TMEM63C: variants seen among roughly 807,000 people sequenced by gnomAD.
TMEM63C encodes the protein transmembrane protein 63C.
A neutral mutation model predicts 99.2 loss-of-function variants in TMEM63C; 32 were observed. That is an observed-to-expected ratio of 0.32 (90% confidence interval 0.24 to 0.43). The LOEUF is 0.43. TMEM63C is among the 20% of genes least tolerant of loss of function. TMEM63C has a pLI of 1.00. For synonymous variants in TMEM63C, 376 were observed against 397.9 expected, an observed-to-expected ratio of 0.94 and a Z score of 0.66; for missense variants, 826 against 1,053.0, an observed-to-expected ratio of 0.78 and a Z score of 2.98.
At chr14:77,225,568 C>T in intron 6 of TMEM63C, 107 bp downstream of exon 6, 1 of 1,100,494 alleles carries the variant, frequency 9.1e-7, no homozygotes, top group Non-Finnish European at 1.3e-6. Flanking sequence ...AGGGCCTGAG[C>T]TCCGTATCCT....
At chr14:77,194,773 G>T (rs1888188549) in intron 1 of TMEM63C, among the ~76,000 whole-genome samples, 1 of 151,156 alleles carries the variant, frequency 6.6e-6, no homozygotes, top group Non-Finnish European at 1.5e-5. Context: ...GTGGAACCGG[G>T]TTTTTGCCAT....
intron 1 of TMEM63C, among the ~76,000 whole-genome samples, chr14:77,195,609 A>G (rs1324274640): frequency 2.6e-5 from 4 of 152,108 alleles, no homozygotes; most frequent in African/African-American, 7.2e-5. Context: ...GGTGATGTGT[A>G]TGACCCCTTT....
At chr14:77,223,637 G>C (rs192947320) in intron 5 of TMEM63C, among the ~76,000 whole-genome samples, 1 of 151,758 alleles carries the variant, frequency 6.6e-6, no homozygotes, top group Non-Finnish European at 1.5e-5. Flanking sequence ...GGGAGGGAGT[G>C]TGTGTGTGTG....
chr14:77,222,631 A>T (rs1594859273), intron 5 of TMEM63C, among the ~76,000 whole-genome samples: 1 of 152,176 alleles, frequency 6.6e-6, no homozygotes, highest in East Asian at 1.9e-4. Context: ...CTGCCACATG[A>T]GTCCACCGTT....
At chr14:77,227,659 C>T (rs61991637) in intron 6 of TMEM63C, among the ~76,000 whole-genome samples, 44,174 of 152,060 alleles carry the variant, frequency 0.29, 7,248 homozygotes, top group East Asian at 0.57. Flanking sequence ...GAGGCATCCT[C>T]TGGGCTGGAC....
At position 77,231,620 on chromosome 14, in the gene TMEM63C, A is replaced by G; in HGVS notation, c.383A>G (p.Asp128Gly). Reference protein sequence around the residue: ...DEDLINKCGDDARIYIVFQYH... With the variant: ...DEDLINKCGDGARIYIVFQYH... ...GATCTGATTAACAAGTGTGGGGACGACGCGCGCATCTACATCGTGTTCCAG... is the reference window on the plus strand; with the variant it reads ...GATCTGATTAACAAGTGTGGGGACGGCGCGCGCATCTACATCGTGTTCCAG... The change falls in exon 7 of 24, where the codon GAC becomes GGC. Residue 128 changes from aspartate to glycine, a missense_variant. By Grantham distance (94) the Asp-to-Gly change is moderately conservative. Coordinates refer to ENST00000298351, the MANE Select transcript of TMEM63C (RefSeq NM_020431.4). 6.4e-7 allele frequency: 1 copy of G among 1,551,622 alleles called. No individual in the cohort carries two copies. Among genetic ancestry groups the G allele is most frequent in the African/African-American group, 1.4e-5 (1 of 73,138 alleles).
chr14:77,183,499 C>G (rs544910577), intron 1 of TMEM63C, among the ~76,000 whole-genome samples: 3 of 152,188 alleles, frequency 2.0e-5, no homozygotes, highest in African/African-American at 4.8e-5. Flanking sequence ...GTGGGCCTAT[C>G]GGAGCCAAAA....
At position 77,227,363 on chromosome 14, in the gene TMEM63C, T is replaced by G. The variant is rs76660351; in HGVS notation, c.350+1902T>G. ...CTACAGTCAGTAGGTTGTGGCCTAG[T>G]TAAGAAAGAGGGAGAAATTGAGGTC... On this transcript the variant is annotated intron_variant, in intron 6 of 23. Coordinates refer to ENST00000298351, the MANE Select transcript of TMEM63C (RefSeq NM_020431.4). 3.3e-3 allele frequency among the ~76,000 whole-genome samples: 504 copies of G among 152,030 alleles called. 5 individuals carry two copies. The highest frequency in any genetic ancestry group is 0.011 in the African/African-American group (470 of 41,448).
At position 77,253,385 on chromosome 14, in the gene TMEM63C, T is replaced by G; in HGVS notation, c.2220+9T>G. 1 of 1,606,686 alleles carries G rather than the reference T, an allele frequency of 6.2e-7. No homozygotes were observed. On this transcript the variant is annotated intron_variant, in intron 23 of 23. Coordinates refer to ENST00000298351, the MANE Select transcript of TMEM63C (RefSeq NM_020431.4). ...CCACGCCCACCTCCCTCGTGAGTCC[T>G]GAGTCCCAGGGACAGGTTGGGAGGG...
At chr14:77,189,434 CA>C (rs1888063553) in intron 1 of TMEM63C, among the ~76,000 whole-genome samples, 1 of 151,764 alleles carries the variant, frequency 6.6e-6, no homozygotes, top group African/African-American at 2.4e-5. Flanking sequence ...TTAATTTTCG[CA>C]AAAAACACAA....
Position 77,231,591 on chromosome 14 carries a change from C to G in TMEM63C, c.354C>G (p.Asp118Glu). ...CTTGTCTGTGTGTCTCTTCCAGGGACGAGGATCTGATTAACAAGTGTGGGG... is the reference window on the plus strand; with the variant it reads ...CTTGTCTGTGTGTCTCTTCCAGGGAGGAGGATCTGATTAACAAGTGTGGGG... Reference protein sequence around the residue: ...SWFFNSITMKDEDLINKCGDD... With the variant: ...SWFFNSITMKEEDLINKCGDD... Residue 118 changes from aspartate (D) to glutamate (E), a missense_variant, in exon 7 of 24, where the codon GAC (aspartate) becomes GAG (glutamate). Physicochemically the swap from Asp to Glu is conservative, Grantham distance 45. Coordinates refer to ENST00000298351, the MANE Select transcript of TMEM63C (RefSeq NM_020431.4). 6.4e-7 allele frequency: 1 copy of G among 1,551,580 alleles called. No individual in the cohort carries two copies. The highest frequency in any genetic ancestry group is 1.7e-4 in the Middle Eastern group (1 of 5,990).
At chr14:77,198,357 C>G (rs139745709) in intron 1 of TMEM63C, among the ~76,000 whole-genome samples, 2 of 152,336 alleles carry the variant, frequency 1.3e-5, no homozygotes, top group African/African-American at 4.8e-5. Flanking sequence ...AGGAACAAGC[C>G]CTGGGCTGGG....
intron 21 of TMEM63C, among the ~76,000 whole-genome samples, chr14:77,251,294 A>G (rs941703854): frequency 2.6e-5 from 4 of 152,248 alleles, no homozygotes; most frequent in African/African-American, 9.6e-5. Flanking sequence ...ACATTTACCT[A>G]GTTAGAAAAC....
intron 23 of TMEM63C, among the ~76,000 whole-genome samples, 163 bp from the exon 24 acceptor site, chr14:77,256,363 A>C (rs1397534801): frequency 6.6e-6 from 1 of 152,226 alleles, no homozygotes; most frequent in Non-Finnish European, 1.5e-5. Flanking sequence ...AAGAACAATT[A>C]GGTGGGTGGG....
At position 77,218,846 on chromosome 14, in the gene TMEM63C, G is replaced by A. The variant is rs778579284; in HGVS notation, c.33G>A (p.Gly11=). The part of the protein sequence containing the change: MSASPDDLST[G]GRLQNMTVDE... ...CCTCACCAGACGACCTGAGTACAGG[G>A]GGAAGGTTACAGAACATGACAGTGG... The change falls in exon 3 of 24, where the codon GGG becomes GGA. Residue 11 remains glycine, a synonymous_variant. Coordinates refer to ENST00000298351, the MANE Select transcript of TMEM63C (RefSeq NM_020431.4). The A allele has an allele frequency of 1.2e-6, 2 of 1,613,600 alleles. No homozygotes were observed. The highest frequency in any genetic ancestry group is 2.7e-5 in the African/African-American group (2 of 74,944).
chr14:77,249,408 C>A lies in TMEM63C; in HGVS notation c.1988C>A (p.Ala663Glu). ...HMAAVSQAIF[A>E]PLLGLFWMLF... ...GCTGCCGTCTCCCAGGCCATCTTTG[C>A]GCCACTCTTGGGTCTGTTCTGGATG... Residue 663 changes from alanine (A) to glutamate (E), a missense_variant, in exon 21 of 24, where the codon GCG becomes GAG. By Grantham distance (107) the Ala-to-Glu change is moderately radical. Transcript: ENST00000298351. 6.2e-7 allele frequency: 1 copy of A among 1,614,050 alleles called. No homozygotes were observed.
chr14:77,253,209 G>C, intron 22 of TMEM63C, 96 bp from the exon 23 acceptor site: 1 of 1,079,958 alleles, frequency 9.3e-7, no homozygotes, highest in South Asian at 1.3e-5. Context: ...GTTCCAAGGT[G>C]GTGAGAAGCC....
intron 9 of TMEM63C, among the ~76,000 whole-genome samples, 194 bp from the exon 10 acceptor site, chr14:77,238,500 A>G (rs1232073301): frequency 6.6e-6 from 1 of 152,186 alleles, no homozygotes; most frequent in Non-Finnish European, 1.5e-5. Context: ...GCTGTGGGCT[A>G]AGGCAGCTGG....
In TMEM63C at chr14:77,206,166, C is replaced by A. The variant is rs189807367; in HGVS notation, c.-76-7280C>A. Reference sequence around the variant, plus strand: ...CCTATAGGAGTCTAGGTTTAGACCACCCCAAAAAATGACTAGAGGGGCCTC... The same window carrying A: ...CCTATAGGAGTCTAGGTTTAGACCAACCCAAAAAATGACTAGAGGGGCCTC... On this transcript the variant is annotated intron_variant, in intron 1 of 23. Coordinates refer to ENST00000298351, the MANE Select transcript of TMEM63C (RefSeq NM_020431.4). 3.0e-3 allele frequency among the ~76,000 whole-genome samples: 453 copies of A among 152,084 alleles called. 3 individuals are homozygous for A. The highest frequency in any genetic ancestry group is 0.01 in the African/African-American group (434 of 41,498).
Sources: allele counts gnomAD v4.1 joint callset (sites outside exome capture counted in the v4.1 genomes callset), GRCh38; gene constraint gnomAD v4.1.1; transcripts MANE v1.5; gene names NCBI Gene and HGNC (gene_info 2026-07-23, HGNC 2026-07-21).